The following PDE1C variants were observed in gnomAD, a reference collection of about 807,000 sequenced individuals.
PDE1C encodes dual specificity calcium/calmodulin-dependent 3',5'-cyclic nucleotide phosphodiesterase 1C.
Under a neutral mutation model 93.1 loss-of-function variants are expected in PDE1C, and 62 were observed. The observed-to-expected ratio is 0.67, with a 90% CI of 0.54 to 0.82. PDE1C has a LOEUF of 0.82. Among genes scored for constraint, PDE1C ranks in the 40% least tolerant of loss-of-function variants. The pLI, the probability that PDE1C is intolerant of heterozygous loss-of-function variation, is 0.00. For missense variants in PDE1C, 742 were observed against 884.6 expected, an observed-to-expected ratio of 0.84 and a Z score of 2.04; for synonymous variants, 325 against 310.1, an observed-to-expected ratio of 1.05 and a Z score of -0.50.
At chr7:32,035,231 A>C (rs947078974) in intron 2 of PDE1C, among the ~76,000 whole-genome samples, 1 of 152,120 alleles carries the variant, frequency 6.6e-6, no homozygotes, top group Admixed American at 6.6e-5. Flanking sequence ...AACCAGAGAC[A>C]TGCCTGCCCC....
At chr7:32,034,851 T>C (rs974492585) in intron 2 of PDE1C, among the ~76,000 whole-genome samples, 1 of 152,070 alleles carries the variant, frequency 6.6e-6, no homozygotes, top group Non-Finnish European at 1.5e-5. Flanking sequence ...TTCTCACCCA[T>C]AAAATGGAGG....
intron 2 of PDE1C, among the ~76,000 whole-genome samples, chr7:32,203,182 C>T (rs1254945271): frequency 6.6e-6 from 1 of 151,868 alleles, no homozygotes; most frequent in East Asian, 1.9e-4. Flanking sequence ...GCCACACAGT[C>T]CCCCACTCAT....
chr7:31,802,680 T>C (rs1010632857), intron 16 of PDE1C, among the ~76,000 whole-genome samples: 8 of 151,140 alleles, frequency 5.3e-5, no homozygotes, highest in African/African-American at 1.9e-4. Flanking sequence ...ATATTTTTGC[T>C]AGGCACAGAA....
the PDE1C span, among the ~76,000 whole-genome samples, chr7:31,721,465 A>G: frequency 3.7e-3 from 570 of 152,334 alleles, 3 homozygotes; most frequent in African/African-American, 0.013. Flanking sequence ...AACTAGCCAC[A>G]TGTGGGTACT....
At chr7:32,038,374 G>A (rs544972955) in intron 2 of PDE1C, among the ~76,000 whole-genome samples, 2 of 152,226 alleles carry the variant, frequency 1.3e-5, no homozygotes, top group East Asian at 3.9e-4. Flanking sequence ...GTTTTGCAGA[G>A]AGTTAATTAT....
chr7:32,188,821 T>C (rs1483604414), intron 2 of PDE1C, among the ~76,000 whole-genome samples: 1 of 152,186 alleles, frequency 6.6e-6, no homozygotes, highest in African/African-American at 2.4e-5. Context: ...CATAAAGAGC[T>C]TGTTAATTTT....
At chr7:31,645,755 G>A in the PDE1C span, among the ~76,000 whole-genome samples, 1 of 152,118 alleles carries the variant, frequency 6.6e-6, no homozygotes, top group Non-Finnish European at 1.5e-5. Context: ...TTGTCACAAC[G>A]GGAGGGGGGT....
At chr7:31,832,983 G>A (rs1294848066) in intron 11 of PDE1C, among the ~76,000 whole-genome samples, 1 of 152,130 alleles carries the variant, frequency 6.6e-6, no homozygotes, top group Non-Finnish European at 1.5e-5. Context: ...GTTTGGCTGT[G>A]TTCTCCCACC....
intron 7 of PDE1C, among the ~76,000 whole-genome samples, chr7:31,855,954 G>A (rs995775881): frequency 2.6e-5 from 4 of 152,010 alleles, no homozygotes; most frequent in African/African-American, 9.7e-5. Context: ...TCAATAGATA[G>A]CTCTTCAATT....
At chr7:31,888,531 G>C (rs893993393) in intron 2 of PDE1C, among the ~76,000 whole-genome samples, 10 of 151,940 alleles carry the variant, frequency 6.6e-5, no homozygotes, top group Admixed American at 5.9e-4. Context: ...GATAAAAAGA[G>C]ACTATTACTA....
At chr7:31,950,093 C>T (rs1223241868) in intron 2 of PDE1C, among the ~76,000 whole-genome samples, 3 of 152,136 alleles carry the variant, frequency 2.0e-5, no homozygotes, top group Non-Finnish European at 4.4e-5. Flanking sequence ...TGTTTTTGGC[C>T]ATTTCTCTTG....
At chr7:31,913,228 G>A (rs1801469492) in intron 2 of PDE1C, among the ~76,000 whole-genome samples, 1 of 152,016 alleles carries the variant, frequency 6.6e-6, no homozygotes, top group Admixed American at 6.6e-5. Context: ...CAACTCAAAG[G>A]GCCTGTTTCA....
intron 3 of PDE1C, among the ~76,000 whole-genome samples, chr7:32,111,509 A>G (rs1466185182): frequency 6.6e-6 from 1 of 152,138 alleles, no homozygotes; most frequent in Non-Finnish European, 1.5e-5. Flanking sequence ...CTTGATCACA[A>G]CCAATTAGCC....
intron 1 of PDE1C, among the ~76,000 whole-genome samples, chr7:32,271,057 G>A (rs1585057829): frequency 1.3e-5 from 2 of 152,316 alleles, no homozygotes; most frequent in South Asian, 4.1e-4. Context: ...AGAATCACTT[G>A]AACCCAGGAG....
chr7:31,968,011 G>T (rs557085880), intron 2 of PDE1C, among the ~76,000 whole-genome samples: 1 of 152,236 alleles, frequency 6.6e-6, no homozygotes, highest in East Asian at 1.9e-4. Context: ...CATACTGAAT[G>T]GACAAAGACT....
chr7:31,966,223 G>C, intron 2 of PDE1C, among the ~76,000 whole-genome samples: 1 of 152,106 alleles, frequency 6.6e-6, no homozygotes, highest in Non-Finnish European at 1.5e-5. Context: ...CATCTCACGT[G>C]CAGAGACACA....
chr7:31,794,051 GACA>G (rs1266040534), intron 16 of PDE1C, among the ~76,000 whole-genome samples: 26 of 143,080 alleles, frequency 1.8e-4, no homozygotes, highest in African/African-American at 2.5e-4. Flanking sequence ...TAGACAGACA[GACA>G]GACAGACAGA....
intron 1 of PDE1C, among the ~76,000 whole-genome samples, chr7:32,259,583 T>C (rs79392590): frequency 2.6e-5 from 4 of 152,146 alleles, no homozygotes; most frequent in African/African-American, 4.8e-5. Flanking sequence ...AGTTCTGGCT[T>C]AAAATCTCAT....
intron 2 of PDE1C, among the ~76,000 whole-genome samples, chr7:32,037,625 A>C (rs1291585414): frequency 1.3e-5 from 2 of 152,200 alleles, no homozygotes; most frequent in African/African-American, 4.8e-5. Flanking sequence ...AGATGTAACT[A>C]AATCTTTACA....
Sources: gnomAD v4.1 joint callset for allele counts (sites outside exome capture counted in the v4.1 genomes callset) on GRCh38, gnomAD v4.1.1 for gene constraint, MANE v1.5 for transcripts, NCBI Gene and HGNC (gene_info 2026-07-23, HGNC 2026-07-21) for gene names.